The following MTREX variants were observed in gnomAD, a reference collection of about 807,000 sequenced individuals.
MTREX encodes the protein Mtr4 exosome RNA helicase.
In MTREX, 76 loss-of-function variants were observed where a neutral mutation model predicts 135.4. The observed-to-expected ratio is 0.56, with a 90% CI of 0.47 to 0.68. MTREX has a LOEUF of 0.68. MTREX is among the 30% of genes least tolerant of loss of function. The pLI is 0.00. For missense variants in MTREX, 920 were observed against 1,262.1 expected, an observed-to-expected ratio of 0.73 and a Z score of 4.11; for synonymous variants, 404 against 401.6, an observed-to-expected ratio of 1.01 and a Z score of -0.07.
chr5:55,375,681 A>G (rs930026084), intron 16 of MTREX, among the ~76,000 whole-genome samples: 4 of 152,188 alleles, frequency 2.6e-5, no homozygotes, highest in Non-Finnish European at 4.4e-5. Flanking sequence ...TTAAGAGATT[A>G]AAGTAAAGAC....
intron 18 of MTREX, among the ~76,000 whole-genome samples, chr5:55,385,485 G>A (rs1253434891): frequency 2.0e-5 from 3 of 152,106 alleles, no homozygotes; most frequent in African/African-American, 7.2e-5. Flanking sequence ...CCCTTTCCAA[G>A]CAAGAGCTGC....
intron 8 of MTREX, among the ~76,000 whole-genome samples, chr5:55,343,844 G>T (rs1749689749): frequency 6.6e-6 from 1 of 152,106 alleles, no homozygotes; most frequent in African/African-American, 2.4e-5. Flanking sequence ...TGGAGCATTT[G>T]ATTTGATTTT....
chr5:55,403,105 G>A (rs1750750146), intron 21 of MTREX, among the ~76,000 whole-genome samples: 1 of 151,984 alleles, frequency 6.6e-6, no homozygotes, highest in Non-Finnish European at 1.5e-5. Context: ...GGAGGCTGAG[G>A]TAGGAAGGTC....
At chr5:55,365,727 G>T (rs1205724944) in intron 15 of MTREX, among the ~76,000 whole-genome samples, 1 of 152,124 alleles carries the variant, frequency 6.6e-6, no homozygotes, top group Non-Finnish European at 1.5e-5. Flanking sequence ...CGGGCGCGGT[G>T]GCTCATGCCT....
intron 25 of MTREX, among the ~76,000 whole-genome samples, chr5:55,421,213 C>G (rs949080472): frequency 6.6e-6 from 1 of 152,300 alleles, no homozygotes; most frequent in African/African-American, 2.4e-5. Flanking sequence ...GTAAGAAGAG[C>G]CCTTGGATTA....
chr5:55,327,671 C>G (rs979293745), intron 3 of MTREX, 45 bp from the exon 4 acceptor site: 15 of 1,462,014 alleles, frequency 1.0e-5, no homozygotes, highest in Non-Finnish European at 1.4e-5. Flanking sequence ...CATCAGTTCT[C>G]AAATAGTTGG....
intron 16 of MTREX, among the ~76,000 whole-genome samples, chr5:55,375,147 A>T (rs1750274709): frequency 6.6e-6 from 1 of 152,216 alleles, no homozygotes; most frequent in Non-Finnish European, 1.5e-5. Context: ...GGACCGCAGG[A>T]CCAGGGCGAA....
intron 1 of MTREX, among the ~76,000 whole-genome samples, chr5:55,314,162 C>A (rs373161287): frequency 6.6e-6 from 1 of 152,248 alleles, no homozygotes; most frequent in East Asian, 1.9e-4. Context: ...TTCCTAGAAG[C>A]GAATTACTAG....
Position 55,349,640 on chromosome 5 carries a change from A to G in MTREX, c.1308A>G (p.Lys436=), listed in dbSNP as rs1749796105. ...TTGATTGCTTATCCGATGAAGATAAAAAACTCCCTCAGGTGAGTTTTCAGT... is the reference window on the plus strand; with the variant it reads ...TTGATTGCTTATCCGATGAAGATAAGAAACTCCCTCAGGTGAGTTTTCAGT... ...NAIDCLSDED[K]KLPQVEHVLP... Residue 436 remains lysine, a synonymous_variant, in exon 12 of 27, where the codon AAA becomes AAG. Transcript: ENST00000230640. The G allele has an allele frequency of 6.3e-7, 1 of 1,586,660 alleles. No homozygotes were observed. The highest frequency in any genetic ancestry group is 1.3e-5 in the African/African-American group (1 of 74,318).
intron 22 of MTREX, among the ~76,000 whole-genome samples, chr5:55,408,784 C>G (rs990739721): frequency 6.6e-6 from 1 of 152,000 alleles, no homozygotes; most frequent in African/African-American, 2.4e-5. Context: ...GCAGTTATTA[C>G]TCAAATCAGA....
At chr5:55,383,283 T>C (rs1233171299) in intron 18 of MTREX, among the ~76,000 whole-genome samples, 1 of 152,206 alleles carries the variant, frequency 6.6e-6, no homozygotes, top group Admixed American at 6.5e-5. Flanking sequence ...TATTATGTAG[T>C]TTAAAATAAA....
intron 16 of MTREX, among the ~76,000 whole-genome samples, chr5:55,369,153 T>C (rs1253154799): frequency 1.3e-5 from 2 of 151,912 alleles, no homozygotes; most frequent in Non-Finnish European, 2.9e-5. Flanking sequence ...ATAATAAAGA[T>C]GAACAAGGTT....
At chr5:55,406,101 A>G (rs948005567) in intron 22 of MTREX, among the ~76,000 whole-genome samples, 3 of 152,250 alleles carry the variant, frequency 2.0e-5, no homozygotes, top group Non-Finnish European at 4.4e-5. Flanking sequence ...AACAGAACTT[A>G]TTATAAGCCA....
chr5:55,358,751 A>T, intron 15 of MTREX, 53 bp downstream of exon 15: 1 of 1,459,066 alleles, frequency 6.9e-7, no homozygotes, highest in Non-Finnish European at 9.2e-7. Context: ...AATATACTTC[A>T]GGAGCCATTT....
At chr5:55,322,141 C>A (rs1032972676) in intron 1 of MTREX, among the ~76,000 whole-genome samples, 186 bp from the exon 2 acceptor site, 2 of 152,040 alleles carry the variant, frequency 1.3e-5, no homozygotes, top group Non-Finnish European at 2.9e-5. Context: ...AATACAAATG[C>A]AGTAAAGTAT....
intron 14 of MTREX, among the ~76,000 whole-genome samples, chr5:55,357,930 T>C (rs565153088): frequency 2.2e-4 from 33 of 152,318 alleles, no homozygotes; most frequent in Non-Finnish European, 4.7e-4. Context: ...GGAGAGAATT[T>C]TGTTTTTTCC....
chr5:55,330,608 T>C (rs1249584444), intron 5 of MTREX, among the ~76,000 whole-genome samples: 1 of 152,020 alleles, frequency 6.6e-6, no homozygotes, highest in Non-Finnish European at 1.5e-5. Context: ...ACTTTCCTGC[T>C]TCTTTGATTT....
At chr5:55,357,909 C>A (rs1196442761) in intron 14 of MTREX, among the ~76,000 whole-genome samples, 2 of 152,122 alleles carry the variant, frequency 1.3e-5, no homozygotes, top group Non-Finnish European at 2.9e-5. Context: ...AGCATACATA[C>A]CAAGAAAATA....
chr5:55,363,521 T>A (rs1750049261), intron 15 of MTREX, among the ~76,000 whole-genome samples: 1 of 152,200 alleles, frequency 6.6e-6, no homozygotes, highest in Non-Finnish European at 1.5e-5. Context: ...TTACCTGTCT[T>A]GTTTCAGTTA....
Sources: allele counts gnomAD v4.1 joint callset (sites outside exome capture counted in the v4.1 genomes callset), GRCh38; gene constraint gnomAD v4.1.1; transcripts MANE v1.5; gene names NCBI Gene and HGNC (gene_info 2026-07-23, HGNC 2026-07-21).